The following CPNE8 variants were observed in gnomAD, a reference collection of about 807,000 sequenced individuals.
CPNE8 encodes the protein copine-8.
Under a neutral mutation model 81.5 loss-of-function variants are expected in CPNE8, and 45 were observed. The ratio of observed to expected loss-of-function variants is 0.55; its 90% CI spans 0.44 to 0.71. The LOEUF is 0.71. Ranked by LOEUF, CPNE8 falls within the 30% of genes least tolerant of loss-of-function variation. CPNE8 has a pLI of 0.00. For missense variants in CPNE8, 594 were observed against 672.1 expected (o/e 0.88, Z 1.28); for synonymous variants, 252 against 226.3 (o/e 1.11, Z -1.02).
chr12:38,831,062 C>T (rs1275709368), intron 5 of CPNE8, among the ~76,000 whole-genome samples: 1 of 152,136 alleles, frequency 6.6e-6, no homozygotes, highest in Non-Finnish European at 1.5e-5. Flanking sequence ...TGTAGACTAG[C>T]ATAGTCAAGG....
At chr12:38,905,750 C>G (rs546407274), upstream of CPNE8, 8 of 1,404,254 alleles carry the variant, frequency 5.7e-6, no homozygotes, top group East Asian at 7.7e-5. Flanking sequence ...CTGACGCTGC[C>G]AGGCAAGTGG....
chr12:38,707,968 A>C (rs534973528), intron 13 of CPNE8, among the ~76,000 whole-genome samples: 2 of 152,344 alleles, frequency 1.3e-5, no homozygotes, highest in East Asian at 1.9e-4. Flanking sequence ...CTCACAGAGC[A>C]AAACTCCAGC....
rs966820452 is a variant in CPNE8, at chr12:38,771,466, T to TA, written c.472-3729dup. 3.1e-4 allele frequency among the ~76,000 whole-genome samples: 47 copies of TA among 149,682 alleles called. No individual in the cohort carries two copies. In the East Asian group the frequency reaches 5.7e-3, roughly 18 times the overall value. Reference sequence around the variant, plus strand: ...GGGCAATAGAGTGAGACCCCGTATTTAAAAAAAAAATACTGATTGAAGATA... The same window carrying TA: ...GGGCAATAGAGTGAGACCCCGTATTTAAAAAAAAAAATACTGATTGAAGATA... On this transcript the variant is annotated intron_variant, in intron 7 of 19. Transcript: ENST00000331366.
chr12:38,795,867 G>GGATATATAGATA, intron 6 of CPNE8, among the ~76,000 whole-genome samples: 1 of 148,256 alleles, frequency 6.7e-6, no homozygotes, highest in East Asian at 2.0e-4. Context: ...ATGGATGGAT[G>GGATATATAGATA]GATAGATAGA....
chr12:38,797,262 C>A (rs1010621208), intron 6 of CPNE8, among the ~76,000 whole-genome samples: 24 of 152,162 alleles, frequency 1.6e-4, no homozygotes, highest in Admixed American at 1.3e-3. Context: ...CGTCCCTGAC[C>A]CCTGACCCCC....
chr12:38,803,509 A>C (rs1404035196), intron 6 of CPNE8, among the ~76,000 whole-genome samples: 1 of 148,488 alleles, frequency 6.7e-6, no homozygotes, highest in Admixed American at 6.8e-5. Context: ...GACGTATTTC[A>C]GAATAATAAG....
chr12:38,806,416 G>A (rs998312962), intron 6 of CPNE8, among the ~76,000 whole-genome samples: 40 of 149,260 alleles, frequency 2.7e-4, no homozygotes, highest in African/African-American at 9.7e-4. Context: ...GATCAAGTGG[G>A]CTTCATCCCT....
chr12:38,721,425 C>G (rs1170086048), intron 13 of CPNE8, among the ~76,000 whole-genome samples: 3 of 152,022 alleles, frequency 2.0e-5, no homozygotes, highest in Admixed American at 1.3e-4. Context: ...TCCAGGGTCC[C>G]CTCTCTGCTA....
chr12:38,835,720 A>C (rs1943368654), intron 5 of CPNE8, among the ~76,000 whole-genome samples: 3 of 152,212 alleles, frequency 2.0e-5, no homozygotes, highest in Admixed American at 6.5e-5. Flanking sequence ...TTCATGGTCC[A>C]AACAATATTC....
intron 1 of CPNE8, among the ~76,000 whole-genome samples, chr12:38,896,741 G>A (rs1944393703): frequency 6.6e-6 from 1 of 152,030 alleles, no homozygotes; most frequent in Admixed American, 6.6e-5. Context: ...TCTAACGACT[G>A]TTTTATTCCA....
At chr12:38,750,760 T>C (rs1268275304) in intron 10 of CPNE8, among the ~76,000 whole-genome samples, 1 of 152,206 alleles carries the variant, frequency 6.6e-6, no homozygotes. Context: ...TTGCCTTGTC[T>C]CAGATGACAC....
At position 38,843,069 on chromosome 12, in the gene CPNE8, G is replaced by T. The variant is rs543614453; in HGVS notation, c.291-3114C>A. Reference sequence around the variant, plus strand: ...TAAGGAAGACAGAATATATGATCATGGAGGAAGCTTGGTAGTTTCTCCTAA... The same window carrying T: ...TAAGGAAGACAGAATATATGATCATTGAGGAAGCTTGGTAGTTTCTCCTAA... On this transcript the variant is annotated intron_variant, in intron 4 of 19. Transcript: ENST00000331366. Among the ~76,000 whole-genome samples, 14 of 152,252 alleles carry T rather than the reference G, an allele frequency of 9.2e-5. No individual in the cohort carries two copies. The South Asian group carries it at 2.9e-3, about 32-fold the overall frequency.
intron 19 of CPNE8, among the ~76,000 whole-genome samples, chr12:38,668,500 A>G (rs1668522884): frequency 6.6e-6 from 1 of 152,250 alleles, no homozygotes; most frequent in African/African-American, 2.4e-5. Flanking sequence ...TAATGAAGAA[A>G]GTAATACCAA....
At chr12:38,904,471 T>G (rs761706799) in intron 1 of CPNE8, among the ~76,000 whole-genome samples, 4,873 of 37,836 alleles carry the variant, frequency 0.13, 38 homozygotes, top group East Asian at 0.21. Context: ...TTTTTTTTTG[T>G]TTTTTTTTTT....
chr12:38,811,513 A>G (rs1184839556), intron 6 of CPNE8, among the ~76,000 whole-genome samples: 3 of 152,226 alleles, frequency 2.0e-5, no homozygotes, highest in Admixed American at 2.0e-4. Context: ...ATATAAATTA[A>G]GAAACATAAA....
chr12:38,772,555 T>G (rs1004864141), intron 7 of CPNE8, among the ~76,000 whole-genome samples: 8 of 152,000 alleles, frequency 5.3e-5, no homozygotes, highest in Non-Finnish European at 5.9e-5. Flanking sequence ...TGCAAATCCA[T>G]ACAAAAGATT....
intron 1 of CPNE8, among the ~76,000 whole-genome samples, chr12:38,894,658 A>ACTCTCTCTCT: frequency 8.0e-6 from 1 of 124,548 alleles, no homozygotes; most frequent in South Asian, 2.8e-4. Context: ...ACTCCAGCTC[A>ACTCTCTCTCT]CTCTCTCTCT....
chr12:38,795,874 T>C (rs1414850014), intron 6 of CPNE8, among the ~76,000 whole-genome samples: 1 of 151,542 alleles, frequency 6.6e-6, no homozygotes, highest in East Asian at 1.9e-4. Context: ...GATGGATAGA[T>C]AGATAGATAG....
rs904941765 is a variant in CPNE8 at position 38,717,320 on chromosome 12, GAA to G, written c.914+6450_914+6451del. On this transcript the variant is annotated intron_variant, in intron 13 of 19. Transcript: ENST00000331366. ...CCCAGAGGAAAAGAAGCCATTATAT[GAA>G]AAAAACACTTGCACATACATGTTTA... Among the ~76,000 whole-genome samples, 12 of 149,932 alleles carry G rather than the reference GAA, an allele frequency of 8.0e-5. No individual in the cohort carries two copies. In the South Asian group the frequency reaches 1.7e-3, roughly 21 times the overall value.
Sources: allele counts gnomAD v4.1 joint callset (sites outside exome capture counted in the v4.1 genomes callset), GRCh38; gene constraint gnomAD v4.1.1; transcripts MANE v1.5; gene names NCBI Gene and HGNC (gene_info 2026-07-23, HGNC 2026-07-21).